Variants in TSPAN5 observed in about 807,000 individuals in gnomAD.
The protein encoded by TSPAN5 is tetraspanin-5.
A neutral mutation model predicts 37.1 loss-of-function variants in TSPAN5; 10 were observed. The ratio of observed to expected loss-of-function variants is 0.27; its 90% CI spans 0.17 to 0.46. The LOEUF is 0.46. TSPAN5 is among the 20% of genes least tolerant of loss of function. TSPAN5 has a pLI of 1.00. For missense variants in TSPAN5, 195 were observed against 326.6 expected (o/e 0.60, Z 3.11); for synonymous variants, 110 against 118.9 (o/e 0.93, Z 0.48).
intron 1 of TSPAN5, among the ~76,000 whole-genome samples, chr4:98,617,639 C>T (rs1348882330): frequency 6.6e-6 from 1 of 152,182 alleles, no homozygotes; most frequent in Non-Finnish European, 1.5e-5. Context: ...CAGTAGCTGA[C>T]ACCCCTTCTA....
chr4:98,584,138 T>G (rs10012736), intron 1 of TSPAN5, among the ~76,000 whole-genome samples: 3,010 of 152,218 alleles, frequency 0.02, 86 homozygotes, highest in African/African-American at 0.069. Context: ...ATGCGGTCTT[T>G]CTTTGTTACC....
rs940916678 is a variant in TSPAN5, at chr4:98,499,790, A to G, written c.132+7888T>C. ...ATTCTCCTGCCTCAGCCTCCCAAGTAGCTGGGACTACAGGCGCCTGCCACC... is the reference window on the plus strand; with the variant it reads ...ATTCTCCTGCCTCAGCCTCCCAAGTGGCTGGGACTACAGGCGCCTGCCACC... On this transcript the variant is annotated intron_variant, in intron 2 of 7. Coordinates refer to ENST00000305798, the MANE Select transcript of TSPAN5 (RefSeq NM_005723.4). 3.5e-4 allele frequency among the ~76,000 whole-genome samples: 52 copies of G among 150,424 alleles called. 1 individual carries two copies. Among genetic ancestry groups the G allele is most frequent in the African/African-American group, 1.2e-3 (50 of 40,720 alleles).
chr4:98,635,386 C>G (rs1485162418), intron 1 of TSPAN5, among the ~76,000 whole-genome samples: 1 of 152,164 alleles, frequency 6.6e-6, no homozygotes, highest in Admixed American at 6.5e-5. Context: ...TGTGGAGGTA[C>G]TATCCCAACA....
At chr4:98,629,212 T>G (rs1471630091) in intron 1 of TSPAN5, among the ~76,000 whole-genome samples, 15 of 152,266 alleles carry the variant, frequency 9.9e-5, no homozygotes, top group Non-Finnish European at 1.5e-5. Flanking sequence ...GTCTTTGAGT[T>G]GTACTGTGTA....
At position 98,653,714 on chromosome 4, in the gene TSPAN5, TA is replaced by T. The variant is rs779875676; in HGVS notation, c.81+4431del. On this transcript the variant is annotated intron_variant, in intron 1 of 7. Transcript: ENST00000305798. ...CACTATTTGTTAAATATTGAGATAT[TA>T]TGCCGAATAAAACATTATCTCACTG... 7.2e-5 allele frequency among the ~76,000 whole-genome samples: 11 copies of T among 152,196 alleles called. No homozygotes were observed. In the East Asian group the frequency reaches 9.6e-4, roughly 13 times the overall value.
At chr4:98,535,800 A>G (rs1269622904) in intron 1 of TSPAN5, among the ~76,000 whole-genome samples, 1 of 151,910 alleles carries the variant, frequency 6.6e-6, no homozygotes, top group Non-Finnish European at 1.5e-5. Context: ...AATCATTGCT[A>G]TCCTTTCTTT....
chr4:98,649,129 C>T (rs1266356720), intron 1 of TSPAN5, among the ~76,000 whole-genome samples: 1 of 152,038 alleles, frequency 6.6e-6, no homozygotes, highest in South Asian at 2.1e-4. Flanking sequence ...CATCTAAAGG[C>T]TAGAATACTG....
chr4:98,486,500 A>G, intron 3 of TSPAN5: 1 of 496,638 alleles, frequency 2.0e-6, no homozygotes, highest in Non-Finnish European at 3.6e-6. Context: ...TCTGTGATAT[A>G]TATGCACAAA....
At chr4:98,485,397 CTG>C (rs112818643) in intron 3 of TSPAN5, 11 of 150,682 alleles carry the variant, frequency 7.3e-5, no homozygotes, top group East Asian at 1.9e-4. Flanking sequence ...GAGAGAGACA[CTG>C]TGTGTGTGTG....
intron 2 of TSPAN5, among the ~76,000 whole-genome samples, chr4:98,490,799 G>A (rs9991333): frequency 0.38 from 57,195 of 151,834 alleles, 10,959 homozygotes; most frequent in South Asian, 0.43. Flanking sequence ...GATGGCTCAC[G>A]CCTGTAATCC....
At chr4:98,514,299 T>G (rs1279472914) in intron 1 of TSPAN5, among the ~76,000 whole-genome samples, 1 of 152,236 alleles carries the variant, frequency 6.6e-6, no homozygotes, top group Non-Finnish European at 1.5e-5. Flanking sequence ...ATATATTTTC[T>G]GACACTTTAG....
At chr4:98,619,505 T>A (rs1361113490) in intron 1 of TSPAN5, among the ~76,000 whole-genome samples, 1 of 152,228 alleles carries the variant, frequency 6.6e-6, no homozygotes, top group Non-Finnish European at 1.5e-5. Context: ...TTCTTCCCAG[T>A]CAACTTTTAT....
intron 2 of TSPAN5, among the ~76,000 whole-genome samples, chr4:98,499,411 G>A (rs907333636): frequency 2.6e-5 from 4 of 152,210 alleles, no homozygotes; most frequent in African/African-American, 4.8e-5. Flanking sequence ...ACTGGGCCTG[G>A]ATCTGTGCCT....
intron 1 of TSPAN5, among the ~76,000 whole-genome samples, chr4:98,546,766 A>C (rs1279707705): frequency 1.3e-5 from 2 of 152,216 alleles, no homozygotes; most frequent in Non-Finnish European, 2.9e-5. Context: ...CCCATACTGC[A>C]ATGTATTTTC....
At chr4:98,639,879 A>C (rs1343181843) in intron 1 of TSPAN5, among the ~76,000 whole-genome samples, 2 of 152,230 alleles carry the variant, frequency 1.3e-5, no homozygotes, top group Non-Finnish European at 2.9e-5. Context: ...TTAAGGGAAG[A>C]AAAACCATTT....
intron 5 of TSPAN5, 57 bp downstream of exon 5, chr4:98,478,628 T>C (rs1039415043): frequency 1.2e-6 from 2 of 1,609,462 alleles, no homozygotes; most frequent in African/African-American, 2.7e-5. Flanking sequence ...GCTCGTCCCA[T>C]GCACACTCTC....
chr4:98,649,186 C>G (rs573727699), intron 1 of TSPAN5, among the ~76,000 whole-genome samples: 1 of 152,218 alleles, frequency 6.6e-6, no homozygotes, highest in South Asian at 2.1e-4. Context: ...CAAGCAAAAT[C>G]TTTCTTAGTA....
chr4:98,590,380 G>A (rs1302870557), intron 1 of TSPAN5, among the ~76,000 whole-genome samples: 1 of 152,086 alleles, frequency 6.6e-6, no homozygotes, highest in Non-Finnish European at 1.5e-5. Flanking sequence ...TCTGTAAAGT[G>A]GATATTCCCA....
chr4:98,598,812 G>C (rs1755817672), intron 1 of TSPAN5, among the ~76,000 whole-genome samples: 1 of 152,114 alleles, frequency 6.6e-6, no homozygotes. Flanking sequence ...ATTTGAGAGA[G>C]AGTCTCATTT....
Sources: allele counts gnomAD v4.1 joint callset (sites outside exome capture counted in the v4.1 genomes callset), GRCh38; gene constraint gnomAD v4.1.1; transcripts MANE v1.5; gene names NCBI Gene and HGNC (gene_info 2026-07-23, HGNC 2026-07-21).